The following GLRA3 variants were observed in gnomAD, a reference collection of about 807,000 sequenced individuals.
The protein encoded by GLRA3 is glycine receptor subunit alpha-3.
GLRA3 carries 44 observed loss-of-function variants against 60.4 expected under a neutral mutation model. The observed-to-expected ratio is 0.73, with a 90% CI of 0.57 to 0.94. The LOEUF (loss-of-function observed/expected upper bound fraction) is 0.94. Ranked by LOEUF, GLRA3 falls within the 40% of genes least tolerant of loss-of-function variation. GLRA3 has a pLI of 0.00. For missense variants in GLRA3, 508 were observed against 564.6 expected, an observed-to-expected ratio of 0.90 and a Z score of 1.02; for synonymous variants, 223 against 192.9, an observed-to-expected ratio of 1.16 and a Z score of -1.29.
chr4:174,744,627 T>G (rs1258481616), intron 3 of GLRA3, among the ~76,000 whole-genome samples: 1 of 152,136 alleles, frequency 6.6e-6, no homozygotes, highest in African/African-American at 2.4e-5. Flanking sequence ...TCTAACCAAT[T>G]GAAACCATTG....
intron 5 of GLRA3, among the ~76,000 whole-genome samples, chr4:174,711,245 C>T (rs1050678732): frequency 7.3e-5 from 11 of 151,424 alleles, no homozygotes; most frequent in Non-Finnish European, 1.6e-4. Context: ...ATAAATGTTT[C>T]CATATGCTGA....
intron 1 of GLRA3, among the ~76,000 whole-genome samples, chr4:174,815,764 C>A (rs1009827959): frequency 6.6e-6 from 1 of 152,158 alleles, no homozygotes; most frequent in African/African-American, 2.4e-5. Context: ...CTGGGCTGAA[C>A]CACAAAAACA....
intron 1 of GLRA3, among the ~76,000 whole-genome samples, chr4:174,796,625 C>T (rs968802485): frequency 5.3e-5 from 8 of 152,008 alleles, no homozygotes; most frequent in African/African-American, 1.9e-4. Flanking sequence ...AAACCTCCGC[C>T]TCCTGGGTTC....
intron 5 of GLRA3, among the ~76,000 whole-genome samples, chr4:174,703,740 C>A (rs1342976384): frequency 6.6e-6 from 1 of 152,040 alleles, no homozygotes; most frequent in South Asian, 2.1e-4. Flanking sequence ...GAAAACTGAG[C>A]CTCTGAAAAT....
At chr4:174,683,175 C>T (rs1173773132) in intron 5 of GLRA3, among the ~76,000 whole-genome samples, 3 of 152,082 alleles carry the variant, frequency 2.0e-5, no homozygotes, top group Non-Finnish European at 4.4e-5. Context: ...TAAAAGTATA[C>T]CATGGCATGT....
intron 4 of GLRA3, among the ~76,000 whole-genome samples, chr4:174,724,111 T>C (rs1334835095): frequency 1.3e-5 from 2 of 151,452 alleles, no homozygotes; most frequent in East Asian, 3.9e-4. Context: ...ATACAAAACA[T>C]TTTTCTTGAA....
intron 7 of GLRA3, among the ~76,000 whole-genome samples, chr4:174,666,759 T>TATTA (rs869235454): frequency 6.6e-4 from 35 of 53,400 alleles, no homozygotes; most frequent in South Asian, 3.8e-3. Context: ...TATATATATA[T>TATTA]TATATATATA....
intron 5 of GLRA3, among the ~76,000 whole-genome samples, chr4:174,692,367 C>T (rs75345330): frequency 4.0e-5 from 6 of 149,784 alleles, no homozygotes; most frequent in African/African-American, 7.4e-5. Flanking sequence ...AGATGAGGGG[C>T]GCCTCTGCCT....
chr4:174,708,843 A>C (rs1356680687), intron 5 of GLRA3, among the ~76,000 whole-genome samples: 1 of 151,208 alleles, frequency 6.6e-6, no homozygotes, highest in Non-Finnish European at 1.5e-5. Flanking sequence ...TTAAAAAAAA[A>C]AACAGTTAGG....
Position 174,643,973 on chromosome 4 carries a change from G to A in GLRA3, c.1208C>T (p.Pro403Leu), listed in dbSNP as rs1235234214. The A allele has an allele frequency of 6.2e-7, 1 of 1,613,788 alleles. No homozygotes were observed. Among genetic ancestry groups the A allele is most frequent in the African/African-American group, 1.3e-5 (1 of 74,972 alleles). ...TGGCATTACCTGGACAGGGTGGTTG[G>A]GGCCCTTTGGAGTCATGCCATCCTT... ...QAKDGMTPKG[P>L]NHPVQVMPKS... The change falls in exon 10 of 10, where the codon CCC becomes CTC. Residue 403 changes from proline to leucine, a missense_variant. Coordinates refer to ENST00000274093, the MANE Select transcript of GLRA3 (RefSeq NM_006529.4).
rs1431220647 is a variant in GLRA3, at chr4:174,639,928, A to T, written c.*3858T>A. On this transcript the variant is annotated 3_prime_UTR_variant, in exon 10 of 10. Coordinates refer to ENST00000274093, the MANE Select transcript of GLRA3 (RefSeq NM_006529.4). The stretch of plus-strand genomic sequence containing the variant: ...AAGATGTCTCTTATACAGGTACAAG[A>T]TGCAATGGGTATTATGGGTACTTTA... 1 of 152,146 alleles carries T rather than the reference A, an allele frequency of 6.6e-6. No individual in the cohort carries two copies. Among genetic ancestry groups the T allele is most frequent in the Non-Finnish European group, 1.5e-5 (1 of 67,988 alleles). 9.4% of individuals were successfully genotyped at this position (152,146 alleles called of 1,614,324 possible).
chr4:174,653,887 A>G (rs902003375), intron 9 of GLRA3, among the ~76,000 whole-genome samples: 1 of 152,114 alleles, frequency 6.6e-6, no homozygotes, highest in African/African-American at 2.4e-5. Context: ...GAATATAGCT[A>G]TAAGAAATAG....
At chr4:174,814,692 T>C (rs1579650667) in intron 1 of GLRA3, among the ~76,000 whole-genome samples, 2 of 152,168 alleles carry the variant, frequency 1.3e-5, no homozygotes, top group East Asian at 3.9e-4. Context: ...TGCAGGGAAA[T>C]TCCCCTTTTA....
rs1013820076 is a variant in GLRA3, at chr4:174,637,419, A to T, written c.*6367T>A. ...TATCATTTATCATACATTAAAATAC[A>T]AATTTAAGTAATGACCATTGAATAA... On this transcript the variant is annotated 3_prime_UTR_variant, in exon 10 of 10. Coordinates refer to ENST00000274093, the MANE Select transcript of GLRA3 (RefSeq NM_006529.4). The T allele has an allele frequency of 1.3e-5, 2 of 152,144 alleles. No homozygotes were observed. Among genetic ancestry groups the T allele is most frequent in the African/African-American group, 4.8e-5 (2 of 41,434 alleles). The allele number at this position is 152,144 out of a possible 1,614,324, so 9.4% of individuals were successfully genotyped here. A position where few individuals can be genotyped will look rare whatever the true frequency, so the allele number is the denominator to read the frequency against.
intron 5 of GLRA3, among the ~76,000 whole-genome samples, chr4:174,708,175 T>C (rs1364503652): frequency 1.3e-5 from 2 of 152,158 alleles, no homozygotes; most frequent in Non-Finnish European, 2.9e-5. Context: ...TTTTAAATTA[T>C]GAAAGAGCTT....
At chr4:174,772,449 T>A (rs1488918223) in intron 2 of GLRA3, among the ~76,000 whole-genome samples, 1 of 152,182 alleles carries the variant, frequency 6.6e-6, no homozygotes, top group Non-Finnish European at 1.5e-5. Flanking sequence ...GTGATTTGGT[T>A]CCCATTTGAC....
intron 1 of GLRA3, among the ~76,000 whole-genome samples, chr4:174,827,037 G>T (rs10017956): frequency 0.27 from 40,745 of 151,698 alleles, 5,902 homozygotes; most frequent in Non-Finnish European, 0.31. Flanking sequence ...TATGAATGGA[G>T]AAAGAAAAAC....
At chr4:174,801,649 A>G (rs911607114) in intron 1 of GLRA3, among the ~76,000 whole-genome samples, 1 of 151,956 alleles carries the variant, frequency 6.6e-6, no homozygotes, top group African/African-American at 2.4e-5. Context: ...ATTCAACCAC[A>G]CCTTACCATG....
rs1732702338 is a variant in GLRA3 at position 174,643,809 on chromosome 4, C to T, written c.1372G>A (p.Asp458Asn). Reference sequence around the variant, plus strand: ...ACTTAATCTTGCTGCTGATGAATATCCTCATGCCTAAGAATTTTATAGATA... The same window carrying T: ...ACTTAATCTTGCTGCTGATGAATATTCTCATGCCTAAGAATTTTATAGATA... ...WVIYKILRHE[D>N]IHQQQD Residue 458 changes from aspartate to asparagine, a missense_variant, in exon 10 of 10, where the codon GAT (aspartate) becomes AAT (asparagine). Asp to Asn is a conservative substitution (Grantham distance 23). This residue lies in a region of GLRA3 where 176 missense variants were observed against 197.9 expected (regional missense o/e 0.89). Transcript: ENST00000274093. The T allele has an allele frequency of 1.5e-5, 24 of 1,613,400 alleles. No individual in the cohort carries two copies. The highest frequency in any genetic ancestry group is 1.9e-5 in the Non-Finnish European group (23 of 1,179,590).
Sources: allele counts gnomAD v4.1 joint callset (sites outside exome capture counted in the v4.1 genomes callset), GRCh38; gene constraint gnomAD v4.1.1; regional missense constraint gnomAD v4.1.1; transcripts MANE v1.5; gene names NCBI Gene and HGNC (gene_info 2026-07-23, HGNC 2026-07-21).